Variants in EPHA3 observed in about 807,000 individuals in gnomAD.
EPHA3 encodes EPH receptor A3.
In EPHA3, 42 loss-of-function variants were observed where a neutral mutation model predicts 107.1. The observed-to-expected ratio is 0.39, with a 90% confidence interval of 0.31 to 0.51. The LOEUF (loss-of-function observed/expected upper bound fraction) is 0.51, where lower values mean the gene tolerates loss of function less well. Among genes scored for constraint, EPHA3 ranks in the 20% least tolerant of loss-of-function variants. The pLI is 0.78. For synonymous variants in EPHA3, 461 were observed against 424.8 expected, an observed-to-expected ratio of 1.09 and a Z score of -1.05; for missense variants, 1,183 against 1,211.2, an observed-to-expected ratio of 0.98 and a Z score of 0.35.
At chr3:89,232,546 T>C (rs1045595414) in intron 3 of EPHA3, among the ~76,000 whole-genome samples, 6 of 152,182 alleles carry the variant, frequency 3.9e-5, no homozygotes, top group African/African-American at 1.4e-4. Context: ...AATATAACCA[T>C]ACCTTCTTTT....
rs564712781 is a variant in EPHA3, at chr3:89,472,989, T to C, written c.2846+370T>C. On this transcript the variant is annotated intron_variant, in intron 16 of 16. Transcript: ENST00000336596. ...ATTTCTGCATTTTGTGATTTTTCTG[T>C]TATTTTTACTAAAGCTTAACATCTG... Among the ~76,000 whole-genome samples, 7 of 152,316 alleles carry C rather than the reference T, an allele frequency of 4.6e-5. No individual in the cohort carries two copies. The East Asian group carries it at 1.2e-3, about 25-fold the overall frequency.
intron 5 of EPHA3, among the ~76,000 whole-genome samples, chr3:89,373,196 T>C (rs1280074009): frequency 6.6e-6 from 1 of 151,868 alleles, no homozygotes; most frequent in African/African-American, 2.4e-5. Flanking sequence ...AAGTAAATAA[T>C]TATGTAAATC....
At chr3:89,329,946 T>G (rs946233538) in intron 3 of EPHA3, among the ~76,000 whole-genome samples, 4 of 151,982 alleles carry the variant, frequency 2.6e-5, no homozygotes, top group African/African-American at 9.7e-5. Context: ...AAAAATATTT[T>G]TTATTAAATA....
At position 89,407,744 on chromosome 3, in the gene EPHA3, A is replaced by G. The variant is rs1377783247; in HGVS notation, c.1698-323A>G. On this transcript the variant is annotated intron_variant, in intron 8 of 16. Transcript: ENST00000336596. ...CTGCACAGCACTAATCATTACCCAT[A>G]GAGACTTTACCCTTCATTCCTTCTA... Among the ~76,000 whole-genome samples the G allele has an allele frequency of 3.3e-5, 5 of 152,144 alleles. No individual in the cohort carries two copies. The East Asian group carries it at 9.6e-4, about 29-fold the overall frequency.
intron 13 of EPHA3, among the ~76,000 whole-genome samples, chr3:89,438,030 T>C (rs1709707723): frequency 6.6e-6 from 1 of 152,210 alleles, no homozygotes; most frequent in African/African-American, 2.4e-5. Context: ...TTTTTAGATC[T>C]GTGACTCTGC....
At chr3:89,242,013 T>C (rs1302029119) in intron 3 of EPHA3, among the ~76,000 whole-genome samples, 1 of 152,178 alleles carries the variant, frequency 6.6e-6, no homozygotes, top group Non-Finnish European at 1.5e-5. Context: ...GATTAAATTG[T>C]CCTTTAGTGC....
At chr3:89,443,158 TA>T (rs1709816264) in intron 13 of EPHA3, among the ~76,000 whole-genome samples, 1 of 152,208 alleles carries the variant, frequency 6.6e-6, no homozygotes, top group Non-Finnish European at 1.5e-5. Context: ...AGACTAAAAT[TA>T]TTTTTTAATT....
At chr3:89,314,121 A>C (rs1223227252) in intron 3 of EPHA3, among the ~76,000 whole-genome samples, 2 of 151,878 alleles carry the variant, frequency 1.3e-5, no homozygotes, top group African/African-American at 2.4e-5. Context: ...GGAATTTTTC[A>C]CAGAAGTCAA....
At chr3:89,326,398 C>CT (rs1432958203) in intron 3 of EPHA3, among the ~76,000 whole-genome samples, 2 of 151,872 alleles carry the variant, frequency 1.3e-5, no homozygotes, top group African/African-American at 2.4e-5. Context: ...GTACAACCAT[C>CT]TTTTTTTTGA....
intron 11 of EPHA3, among the ~76,000 whole-genome samples, chr3:89,423,839 A>C (rs1354394069): frequency 6.6e-6 from 1 of 151,354 alleles, no homozygotes; most frequent in Admixed American, 6.6e-5. Flanking sequence ...TGGTTTTCTG[A>C]TATTTTTGAA....
At chr3:89,434,266 G>A (rs1406948785) in intron 13 of EPHA3, among the ~76,000 whole-genome samples, 1 of 151,982 alleles carries the variant, frequency 6.6e-6, no homozygotes, top group Non-Finnish European at 1.5e-5. Context: ...CTCCCATGCT[G>A]GAGTGCAGTG....
At chr3:89,373,785 T>C (rs1182496612) in intron 5 of EPHA3, among the ~76,000 whole-genome samples, 2 of 151,888 alleles carry the variant, frequency 1.3e-5, no homozygotes, top group Non-Finnish European at 1.5e-5. Flanking sequence ...GGATCAGGCT[T>C]CTATTTGTGG....
Position 89,442,851 on chromosome 3 carries a change from C to G in EPHA3, c.2347-6374C>G, listed in dbSNP as rs114737491. 5.3e-3 allele frequency among the ~76,000 whole-genome samples: 802 copies of G among 152,290 alleles called. 9 individuals carry two copies. The highest frequency in any genetic ancestry group is 0.018 in the African/African-American group (760 of 41,562). Reference sequence around the variant, plus strand: ...CTATCACAAACATAATGCAACAAATCATAAGTCTTGTGTGCCTGTTAAAAT... The same window carrying G: ...CTATCACAAACATAATGCAACAAATGATAAGTCTTGTGTGCCTGTTAAAAT... On this transcript the variant is annotated intron_variant, in intron 13 of 16. Transcript: ENST00000336596.
In EPHA3 at chr3:89,228,166, T is replaced by C. The variant is rs111344677; in HGVS notation, c.814+17646T>C. The stretch of plus-strand genomic sequence containing the variant: ...TAAAATGCCTACTCAGATTCACTGT[T>C]AAACAATAAGAAAAATAGTTTCTGC... On this transcript the variant is annotated intron_variant, in intron 3 of 16. Coordinates refer to ENST00000336596, the MANE Select transcript of EPHA3 (RefSeq NM_005233.6). 4.6e-5 allele frequency among the ~76,000 whole-genome samples: 7 copies of C among 152,104 alleles called. 1 individual carries two copies. Among genetic ancestry groups the C allele is most frequent in the African/African-American group, 1.7e-4 (7 of 41,556 alleles).
At chr3:89,171,249 T>C (rs1422726154) in intron 2 of EPHA3, among the ~76,000 whole-genome samples, 1 of 152,172 alleles carries the variant, frequency 6.6e-6, no homozygotes, top group Non-Finnish European at 1.5e-5. Context: ...AATAAGCATA[T>C]TTTATTTTTC....
intron 5 of EPHA3, among the ~76,000 whole-genome samples, chr3:89,345,885 C>T (rs570694966): frequency 0.016 from 2,275 of 141,486 alleles, 78 homozygotes; most frequent in African/African-American, 0.056. Context: ...TTTGTTCTTG[C>T]GATAGTTTAC....
At chr3:89,175,776 G>A (rs1705308378) in intron 2 of EPHA3, among the ~76,000 whole-genome samples, 1 of 152,058 alleles carries the variant, frequency 6.6e-6, no homozygotes, top group South Asian at 2.1e-4. Flanking sequence ...AACCATGCCT[G>A]CGATTCTATT....
At chr3:89,158,604 A>G (rs1489022260) in intron 2 of EPHA3, among the ~76,000 whole-genome samples, 1 of 152,178 alleles carries the variant, frequency 6.6e-6, no homozygotes, top group African/African-American at 2.4e-5. Flanking sequence ...GATTCATAAT[A>G]AATGAACACA....
intron 2 of EPHA3, among the ~76,000 whole-genome samples, chr3:89,137,806 C>G (rs772232769): frequency 1.3e-5 from 2 of 151,904 alleles, no homozygotes; most frequent in Non-Finnish European, 2.9e-5. Context: ...CATATTATTA[C>G]ACATTATTTT....
Sources: allele counts gnomAD v4.1 joint callset (sites outside exome capture counted in the v4.1 genomes callset), GRCh38; gene constraint gnomAD v4.1.1; transcripts MANE v1.5; gene names NCBI Gene and HGNC (gene_info 2026-07-23, HGNC 2026-07-21).